KLHL3: variants seen among roughly 807,000 people sequenced by gnomAD.
The protein encoded by KLHL3 is kelch like family member 3, also known as kelch-like protein 3.
A neutral mutation model predicts 70.5 loss-of-function variants in KLHL3; 19 were observed. The ratio of observed to expected loss-of-function variants is 0.27; its 90% CI spans 0.19 to 0.40. KLHL3 has a LOEUF of 0.40. KLHL3 is among the 10% of genes least tolerant of loss of function. The pLI, the probability that KLHL3 is intolerant of heterozygous loss-of-function variation, is 1.00. For synonymous variants in KLHL3, 258 were observed against 290.3 expected (o/e 0.89, Z 1.13); for missense variants, 512 against 771.1 (o/e 0.66, Z 3.98).
At position 137,716,209 on chromosome 5, in the gene KLHL3, C is replaced by T. The variant is rs548444481; in HGVS notation, c.134+4256G>A. Among the ~76,000 whole-genome samples the T allele has an allele frequency of 9.9e-5, 15 of 150,772 alleles. No individual in the cohort carries two copies. In the East Asian group the frequency reaches 2.5e-3, roughly 26 times the overall value. Reference sequence around the variant, plus strand: ...AATATAGTGTTAAGTTAGGTTGAGACGTAAATTTCTTTTTTTTTTTTTAAT... The same window carrying T: ...AATATAGTGTTAAGTTAGGTTGAGATGTAAATTTCTTTTTTTTTTTTTAAT... On this transcript the variant is annotated intron_variant, in intron 2 of 14. Coordinates refer to ENST00000309755, the MANE Select transcript of KLHL3 (RefSeq NM_017415.3).
chr5:137,718,575 T>C (rs528424958), intron 2 of KLHL3, among the ~76,000 whole-genome samples: 1 of 152,358 alleles, frequency 6.6e-6, no homozygotes, highest in South Asian at 2.1e-4. Context: ...TACATATCTA[T>C]TCCTAAGTTC....
At position 137,720,464 on chromosome 5, in the gene KLHL3, C is replaced by A; in HGVS notation, c.134+1G>T. ...GGGCACGGACAAGATAGAAAAAGTA[C>A]CTCCGCAGTTCATTCATAACCTTGA... On this transcript the variant is annotated splice_donor_variant, in intron 2 of 14. Transcript: ENST00000309755. LOFTEE classifies it high-confidence loss of function. 6.2e-7 allele frequency: 1 copy of A among 1,614,096 alleles called. No individual in the cohort carries two copies. Among genetic ancestry groups the A allele is most frequent in the Non-Finnish European group, 8.5e-7 (1 of 1,179,972 alleles).
At chr5:137,702,406 T>C (rs1752589483) in intron 3 of KLHL3, among the ~76,000 whole-genome samples, 1 of 152,144 alleles carries the variant, frequency 6.6e-6, no homozygotes, top group African/African-American at 2.4e-5. Flanking sequence ...GAATAGTATA[T>C]ACAAAGGTCT....
At position 137,658,161 on chromosome 5, in the gene KLHL3, G is replaced by A. The variant is rs1206109758; in HGVS notation, c.873C>T (p.Thr291=). The A allele has an allele frequency of 1.9e-6, 3 of 1,613,784 alleles. No individual in the cohort carries two copies. The highest frequency in any genetic ancestry group is 3.3e-5 in the Admixed American group (2 of 59,988). ...DQRLLIKNPR[T]KPRTPVSLPK... ...GAAGGCTGACTGGAGTCCTGGGCTTGGTCCTTGGGTTCTTAATCAATAGTC... is the reference window on the plus strand; with the variant it reads ...GAAGGCTGACTGGAGTCCTGGGCTTAGTCCTTGGGTTCTTAATCAATAGTC... Residue 291 remains threonine (T), a synonymous_variant, in exon 8 of 15, where the codon ACC becomes ACT. Transcript: ENST00000309755.
rs1023760596 is a variant in KLHL3, at chr5:137,617,911, C to T, written c.*4187G>A. 3.9e-5 allele frequency: 6 copies of T among 152,520 alleles called. No homozygotes were observed. Among genetic ancestry groups the T allele is most frequent in the Admixed American group, 1.3e-4 (2 of 15,280 alleles). 9.4% of individuals were successfully genotyped at this position (152,520 alleles called of 1,614,324 possible). On this transcript the variant is annotated 3_prime_UTR_variant, in exon 15 of 15. Transcript: ENST00000309755. Reference sequence around the variant, plus strand: ...GATGGGGGAGCGAATAATTTACAATCTCATAACCAAACATGGCACTAGGGT... The same window carrying T: ...GATGGGGGAGCGAATAATTTACAATTTCATAACCAAACATGGCACTAGGGT...
intron 2 of KLHL3, 149 bp downstream of exon 2, chr5:137,720,316 G>A: frequency 1.1e-6 from 1 of 894,266 alleles, no homozygotes; most frequent in Non-Finnish European, 1.7e-6. Context: ...AAAAAAAAGA[G>A]AGAAAGAAAG....
chr5:137,707,188 A>G lies in KLHL3; in HGVS notation c.241+2562T>C, dbSNP rs140916748. On this transcript the variant is annotated intron_variant, in intron 3 of 14. Coordinates refer to ENST00000309755, the MANE Select transcript of KLHL3 (RefSeq NM_017415.3). ...AGTGGCTCATGCCTGTAATCCCAAC[A>G]CTTTGGGAGCCGAAGCAGGTGGATC... Among the ~76,000 whole-genome samples, 1,024 of 152,356 alleles carry G rather than the reference A, an allele frequency of 6.7e-3. 14 individuals carry two copies. The highest frequency in any genetic ancestry group is 0.023 in the African/African-American group (973 of 41,576).
At chr5:137,633,296 A>G (rs1309530125) in intron 12 of KLHL3, among the ~76,000 whole-genome samples, 3 of 151,466 alleles carry the variant, frequency 2.0e-5, no homozygotes, top group Non-Finnish European at 4.4e-5. Context: ...AAAAAAAAAA[A>G]AAAAAAGTTT....
chr5:137,692,123 T>G (rs1024390326), intron 5 of KLHL3, among the ~76,000 whole-genome samples, 162 bp downstream of exon 5: 1 of 152,206 alleles, frequency 6.6e-6, no homozygotes, highest in African/African-American at 2.4e-5. Flanking sequence ...GGCAATGAGC[T>G]AAACTGTCCT....
rs1344595434 is a variant in KLHL3, at chr5:137,682,588, C to T, written c.527-4934G>A. ...AGAATTAAGATATTTCCCTAATCCC[C>T]CCATCCACTAGGCTAGAGGAAGTGA... On this transcript the variant is annotated intron_variant, in intron 5 of 14. Transcript: ENST00000309755. Among the ~76,000 whole-genome samples, 4 of 152,168 alleles carry T rather than the reference C, an allele frequency of 2.6e-5. No individual in the cohort carries two copies. In the East Asian group the frequency reaches 7.7e-4, roughly 29 times the overall value.
In KLHL3 at chr5:137,618,885, T is replaced by A. The variant is rs1418917384; in HGVS notation, c.*3213A>T. 9.2e-6 allele frequency: 1 copy of A among 108,402 alleles called. No homozygotes were observed. The highest frequency in any genetic ancestry group is 1.9e-5 in the Non-Finnish European group (1 of 52,042). 6.7% of individuals were successfully genotyped at this position (108,402 alleles called of 1,614,324 possible). On this transcript the variant is annotated 3_prime_UTR_variant, in exon 15 of 15. Coordinates refer to ENST00000309755, the MANE Select transcript of KLHL3 (RefSeq NM_017415.3). ...AAAATTCAGCAGACTCCCTTGAATA[T>A]GGTATTTTTAAAAAAAAAAAAAAGG...
chr5:137,622,270 G>T, intron 14 of KLHL3, 144 bp from the exon 15 acceptor site: 1 of 940,290 alleles, frequency 1.1e-6, no homozygotes, highest in Middle Eastern at 2.1e-4. Flanking sequence ...GTGGACTCAG[G>T]CTGCTAGCAG....
chr5:137,632,388 G>A (rs751768640), intron 12 of KLHL3, among the ~76,000 whole-genome samples: 6 of 151,934 alleles, frequency 3.9e-5, no homozygotes, highest in Non-Finnish European at 7.4e-5. Flanking sequence ...CAAAAAAGTC[G>A]ACAAAAATAA....
In KLHL3 at chr5:137,683,758, GCTCTCTTTCT is replaced by G. The variant is rs1284322883; in HGVS notation, c.527-6114_527-6105del. Among the ~76,000 whole-genome samples the G allele has an allele frequency of 9.8e-5, 7 of 71,432 alleles. No homozygotes were observed. In the East Asian group the frequency reaches 8.5e-3, roughly 87 times the overall value. The allele number at this position is 71,432 out of a possible 152,430, so 46.9% of individuals were successfully genotyped here. On this transcript the variant is annotated intron_variant, in intron 5 of 14. Coordinates refer to ENST00000309755, the MANE Select transcript of KLHL3 (RefSeq NM_017415.3). ...CTCTTTCTCTCTCTCTCTCTCTCTA[GCTCTCTTTCT>G]CTCTCTCTCTCTCTCTCACACACAC...
At chr5:137,733,599 C>T (rs761311971) in intron 1 of KLHL3, among the ~76,000 whole-genome samples, 13 of 152,096 alleles carry the variant, frequency 8.5e-5, no homozygotes, top group Non-Finnish European at 1.5e-4. Context: ...ATTAGAATTC[C>T]GAAGAACATC....
intron 2 of KLHL3, among the ~76,000 whole-genome samples, chr5:137,716,958 T>C (rs1374146741): frequency 6.6e-6 from 1 of 152,152 alleles, no homozygotes; most frequent in East Asian, 1.9e-4. Flanking sequence ...TAATCAAGGG[T>C]CCCCTTGGCC....
At chr5:137,735,612 C>A in intron 1 of KLHL3, 21 bp downstream of exon 1, 1 of 1,584,572 alleles carries the variant, frequency 6.3e-7, no homozygotes, top group East Asian at 2.2e-5. Flanking sequence ...CACAACACAG[C>A]ACACACTTAT....
intron 8 of KLHL3, among the ~76,000 whole-genome samples, chr5:137,650,425 G>A (rs1440882431): frequency 6.6e-6 from 1 of 152,198 alleles, no homozygotes; most frequent in Non-Finnish European, 1.5e-5. Context: ...GTCCCCTGGG[G>A]AAGAGACCAG....
intron 10 of KLHL3, 85 bp from the exon 11 acceptor site, chr5:137,637,480 C>A: frequency 2.5e-6 from 3 of 1,182,514 alleles, no homozygotes; most frequent in Non-Finnish European, 2.5e-6. Flanking sequence ...GGGAGGAGTC[C>A]AAATGCATGG....
Sources: gnomAD v4.1 joint callset for allele counts (sites outside exome capture counted in the v4.1 genomes callset) on GRCh38, gnomAD v4.1.1 for gene constraint, MANE v1.5 for transcripts, NCBI Gene and HGNC (gene_info 2026-07-23, HGNC 2026-07-21) for gene names.